The following EPC1 variants were observed in gnomAD, a reference collection of about 807,000 sequenced individuals.
EPC1 encodes enhancer of polycomb homolog 1.
EPC1 carries 12 observed loss-of-function variants against 98.4 expected under a neutral mutation model. The observed-to-expected ratio is 0.12, with a 90% CI of 0.08 to 0.20. The LOEUF (loss-of-function observed/expected upper bound fraction) is 0.20. EPC1 is among the 10% of genes least tolerant of loss of function. The pLI is 1.00. For missense variants in EPC1, 729 were observed against 990.5 expected, an observed-to-expected ratio of 0.74 and a Z score of 3.54; for synonymous variants, 357 against 363.9, an observed-to-expected ratio of 0.98 and a Z score of 0.21.
At chr10:32,326,585 A>G (rs1446241876) in intron 1 of EPC1, among the ~76,000 whole-genome samples, 1 of 152,230 alleles carries the variant, frequency 6.6e-6, no homozygotes, top group Non-Finnish European at 1.5e-5. Flanking sequence ...TTATAACAAA[A>G]AAAACTAAAA....
chr10:32,314,912 A>C (rs1836467371), intron 1 of EPC1, among the ~76,000 whole-genome samples: 1 of 152,178 alleles, frequency 6.6e-6, no homozygotes, highest in Admixed American at 6.5e-5. Context: ...TTGATCTTCA[A>C]AGTCGGGTTC....
At position 32,292,583 on chromosome 10, in the gene EPC1, C is replaced by T. The variant is rs1160628199; in HGVS notation, c.728G>A (p.Arg243Gln). Residue 243 changes from arginine to glutamine, a missense_variant, in exon 5 of 14, where the codon CGA becomes CAA. Physicochemically the swap from Arg to Gln is conservative, Grantham distance 43 (BLOSUM62 1). Around this residue, in one of 6 missense-constraint regions of EPC1, gnomAD observed 39 missense variants for 94.9 expected, o/e 0.41. Transcript: ENST00000319778. Reference sequence around the variant, plus strand: ...TATCATCTCTAGAATAGTAACAGCTCGACTTAGATCTCGTCGCAGCTTAAG... The same window carrying T: ...TATCATCTCTAGAATAGTAACAGCTTGACTTAGATCTCGTCGCAGCTTAAG... The part of the protein sequence containing the change: ...KMLKLRRDLS[R>Q]AVTILEMIKR... 2.5e-6 allele frequency: 4 copies of T among 1,607,634 alleles called. No individual in the cohort carries two copies. The highest frequency in any genetic ancestry group is 4.5e-5 in the East Asian group (2 of 44,614).
At chr10:32,289,777 G>A (rs147064665) in intron 6 of EPC1, among the ~76,000 whole-genome samples, 1,779 of 151,944 alleles carry the variant, frequency 0.012, 35 homozygotes, top group African/African-American at 0.041. Context: ...GCGCCCACCA[G>A]CACGCCCGGC....
intron 13 of EPC1, among the ~76,000 whole-genome samples, chr10:32,271,040 G>C (rs1835817737): frequency 2.0e-5 from 3 of 151,104 alleles, no homozygotes; most frequent in Non-Finnish European, 4.4e-5. Flanking sequence ...TTGTTGCCCT[G>C]GCCAGAGTGC....
At position 32,347,135 on chromosome 10, in the gene EPC1, TG is replaced by T; in HGVS notation, c.-221del. 1 of 1,423,516 alleles carries T rather than the reference TG, an allele frequency of 7.0e-7. No individual in the cohort carries two copies. The highest frequency in any genetic ancestry group is 9.1e-7 in the Non-Finnish European group (1 of 1,093,062). The allele number at this position is 1,423,516 out of a possible 1,614,324, so 88.2% of individuals were successfully genotyped here. A position where few individuals can be genotyped will look rare whatever the true frequency, so the allele number is the denominator to read the frequency against. On this transcript the variant is annotated 5_prime_UTR_variant, in exon 1 of 14. An upstream open reading frame in the 5' UTR loses its in-frame stop. Coordinates refer to ENST00000319778, the MANE Select transcript of EPC1 (RefSeq NM_001272004.3). ...TCTCTTCAATACGCCATGGCCAACA[TG>T]GCGGACATTAAAACTCCACTGTGCG...
chr10:32,332,187 G>C (rs1837677496), intron 1 of EPC1, among the ~76,000 whole-genome samples: 1 of 152,226 alleles, frequency 6.6e-6, no homozygotes, highest in Non-Finnish European at 1.5e-5. Context: ...AAAGTGCTGT[G>C]TTAGGGCTTG....
intron 1 of EPC1, among the ~76,000 whole-genome samples, chr10:32,314,574 T>C (rs554965010): frequency 5.3e-5 from 8 of 152,318 alleles, no homozygotes; most frequent in African/African-American, 1.9e-4. Context: ...CAGCAGGAAA[T>C]GCTCCCTTTT....
At chr10:32,311,605 A>G (rs1401521822) in intron 1 of EPC1, among the ~76,000 whole-genome samples, 1 of 151,416 alleles carries the variant, frequency 6.6e-6, no homozygotes, top group East Asian at 1.9e-4. Context: ...CTCCCTCCCC[A>G]AGTACAGCAG....
Position 32,347,002 on chromosome 10 carries a change from C to T in EPC1, c.-87G>A. 3.2e-6 allele frequency: 5 copies of T among 1,544,020 alleles called. No individual in the cohort carries two copies. The highest frequency in any genetic ancestry group is 4.3e-6 in the Non-Finnish European group (5 of 1,152,248). Reference sequence around the variant, plus strand: ...GAACCGGGGGTTCGGTCCCCACTCGCCAACCGCTGCCGGGGACTTGAGGGG... The same window carrying T: ...GAACCGGGGGTTCGGTCCCCACTCGTCAACCGCTGCCGGGGACTTGAGGGG... On this transcript the variant is annotated 5_prime_UTR_variant, in exon 1 of 14. Coordinates refer to ENST00000319778, the MANE Select transcript of EPC1 (RefSeq NM_001272004.3).
chr10:32,335,592 C>CA (rs1382469424), intron 1 of EPC1, among the ~76,000 whole-genome samples: 2 of 151,966 alleles, frequency 1.3e-5, no homozygotes, highest in Non-Finnish European at 2.9e-5. Context: ...GTTGTCCCTT[C>CA]AAAAAAACAC....
At chr10:32,310,313 T>C (rs1280876459) in intron 1 of EPC1, among the ~76,000 whole-genome samples, 1 of 152,228 alleles carries the variant, frequency 6.6e-6, no homozygotes, top group East Asian at 1.9e-4. Context: ...TATTTATTCT[T>C]TTCCAGCAAG....
intron 1 of EPC1, among the ~76,000 whole-genome samples, chr10:32,315,417 A>C (rs1327327773): frequency 6.6e-6 from 1 of 152,214 alleles, no homozygotes; most frequent in Non-Finnish European, 1.5e-5. Context: ...TTAAATTTTT[A>C]TTTAAGCAAA....
At chr10:32,352,807 G>A (rs183770057) in intron 1 of EPC1, among the ~76,000 whole-genome samples, 19 of 152,264 alleles carry the variant, frequency 1.2e-4, no homozygotes, top group African/African-American at 4.6e-4. Context: ...GTTTAGAGAG[G>A]TTGTGTGACT....
chr10:32,286,392 G>C, intron 9 of EPC1: 1 of 388,732 alleles, frequency 2.6e-6, no homozygotes. Context: ...GTGCAATCAG[G>C]ATTTACACTT....
intron 3 of EPC1, 55 bp from the exon 4 acceptor site, chr10:32,293,249 G>A (rs1262045939): frequency 7.7e-7 from 1 of 1,301,706 alleles, no homozygotes; most frequent in Non-Finnish European, 1.1e-6. Context: ...AGGTTCATAA[G>A]TATTTACTTC....
At chr10:32,349,895 C>T (rs571550772), upstream of EPC1, among the ~76,000 whole-genome samples, 4 of 152,286 alleles carry the variant, frequency 2.6e-5, no homozygotes, top group Non-Finnish European at 4.4e-5. Context: ...CCACTGCGTT[C>T]GGACCCATGC....
intron 1 of EPC1, among the ~76,000 whole-genome samples, chr10:32,316,743 T>C (rs756198421): frequency 1.3e-5 from 2 of 152,186 alleles, no homozygotes; most frequent in African/African-American, 2.4e-5. Flanking sequence ...TGTAAATATA[T>C]GAATATGACA....
At chr10:32,348,625 A>G (rs947231943), upstream of EPC1, among the ~76,000 whole-genome samples, 2 of 152,220 alleles carry the variant, frequency 1.3e-5, no homozygotes, top group African/African-American at 2.4e-5. Flanking sequence ...TAAGTGAGGC[A>G]TAAGGACGTT....
chr10:32,332,624 A>G (rs1348297422), intron 1 of EPC1, among the ~76,000 whole-genome samples: 1 of 152,248 alleles, frequency 6.6e-6, no homozygotes, highest in South Asian at 2.1e-4. Flanking sequence ...CAAGACTGGA[A>G]GCAGGGCTGC....
Sources: gnomAD v4.1 joint callset for allele counts (sites outside exome capture counted in the v4.1 genomes callset) on GRCh38, gnomAD v4.1.1 for gene constraint, gnomAD v4.1.1 regional missense constraint, MANE v1.5 for transcripts, NCBI Gene and HGNC (gene_info 2026-07-23, HGNC 2026-07-21) for gene names.